Variants in FBXO25 observed in about 807,000 individuals in gnomAD.
FBXO25 encodes the protein F-box only protein 25.
FBXO25 carries 45 observed loss-of-function variants against 51.9 expected under a neutral mutation model. That is an observed-to-expected ratio of 0.87 (90% CI 0.68 to 1.11). The LOEUF (loss-of-function observed/expected upper bound fraction) is 1.11. Among genes scored for constraint, FBXO25 ranks in the 50% most tolerant of loss-of-function variants. The probability of loss-of-function intolerance (pLI) is 0.00; values close to 1 mark genes in which losing one functional copy is unlikely to be tolerated. For synonymous variants in FBXO25, 199 were observed against 151.0 expected, an observed-to-expected ratio of 1.32 and a Z score of -2.33; for missense variants, 507 against 428.5, an observed-to-expected ratio of 1.18 and a Z score of -1.62.
chr8:428,905 T>G (rs1019449525), intron 2 of FBXO25, among the ~76,000 whole-genome samples: 1 of 152,226 alleles, frequency 6.6e-6, no homozygotes. Context: ...CCATATTGTG[T>G]ATAGTGTACA....
chr8:435,599 T>C lies in FBXO25; in HGVS notation c.289-16T>C, dbSNP rs1798057748. On this transcript the variant is annotated splice_polypyrimidine_tract_variant and intron_variant, in intron 4 of 9. Transcript: ENST00000350302. ...TGGCTAATTGACTAATTTTAACTTC[T>C]GTGTTGCTTTTCCAGAGGCATGGCT... is the stretch of plus-strand genomic sequence containing the variant. 4 of 1,602,302 alleles carry C rather than the reference T, an allele frequency of 2.5e-6. No individual in the cohort carries two copies. The highest frequency in any genetic ancestry group is 1.7e-6 in the Non-Finnish European group (2 of 1,178,202).
chr8:426,314 A>G (rs1263820657), intron 2 of FBXO25, among the ~76,000 whole-genome samples: 1 of 152,106 alleles, frequency 6.6e-6, no homozygotes, highest in Non-Finnish European at 1.5e-5. Flanking sequence ...TTAGATGTTA[A>G]ATCTGTGGCT....
chr8:467,845 C>G (rs1800280254), intron 9 of FBXO25: 3 of 1,594,316 alleles, frequency 1.9e-6, no homozygotes, highest in South Asian at 2.2e-5. Context: ...CGGCTCGATT[C>G]CAGCTCTCGC....
At chr8:466,637 A>T (rs778494160) in intron 9 of FBXO25, among the ~76,000 whole-genome samples, 1 of 152,146 alleles carries the variant, frequency 6.6e-6, no homozygotes, top group Non-Finnish European at 1.5e-5. Context: ...TGCATCTGGT[A>T]TTTATCACTT....
chr8:408,365 T>A (rs1311211372), intron 1 of FBXO25, among the ~76,000 whole-genome samples: 1 of 152,108 alleles, frequency 6.6e-6, no homozygotes, highest in African/African-American at 2.4e-5. Flanking sequence ...TTTAATGGCA[T>A]CTGTTTTAAT....
At chr8:458,182 G>C (rs1407873848) in intron 7 of FBXO25, among the ~76,000 whole-genome samples, 187 bp from the exon 8 acceptor site, 1 of 152,210 alleles carries the variant, frequency 6.6e-6, no homozygotes, top group East Asian at 1.9e-4. Flanking sequence ...GCCCTCTCTT[G>C]CTCTCCTCCT....
At chr8:459,397 T>C (rs1472413000) in intron 8 of FBXO25, among the ~76,000 whole-genome samples, 1 of 152,030 alleles carries the variant, frequency 6.6e-6, no homozygotes, top group African/African-American at 2.4e-5. Context: ...GTGCTGTGTG[T>C]TTGGTGGATA....
At chr8:410,028 T>C (rs934417680) in intron 1 of FBXO25, among the ~76,000 whole-genome samples, 4 of 152,150 alleles carry the variant, frequency 2.6e-5, no homozygotes, top group African/African-American at 9.6e-5. Flanking sequence ...ATTCCCATGA[T>C]TGATATTTTT....
rs183785480 is a variant in FBXO25 at position 454,051 on chromosome 8, G to T, written c.660+2598G>T. Among the ~76,000 whole-genome samples the T allele has an allele frequency of 1.1e-3, 166 of 152,284 alleles. 2 individuals are homozygous for T. The South Asian group carries it at 0.014, about 13-fold the overall frequency. On this transcript the variant is annotated intron_variant, in intron 7 of 9. Transcript: ENST00000350302. ...AGGCAGGGGATTTGCTTGAACCCGG[G>T]AGGTGGAGGTTGCAGTGAGCCGAGA...
intron 5 of FBXO25, among the ~76,000 whole-genome samples, chr8:448,102 C>T (rs1181051960): frequency 1.3e-5 from 2 of 152,150 alleles, no homozygotes; most frequent in African/African-American, 4.8e-5. Flanking sequence ...AAGAAAATTA[C>T]AGCTGAAGAG....
chr8:474,609 T>C lies in FBXO25; in HGVS notation c.*5805T>C. 7 of 400,246 alleles carry C rather than the reference T, an allele frequency of 1.7e-5. No homozygotes were observed. Among genetic ancestry groups the C allele is most frequent in the Non-Finnish European group, 3.4e-5 (7 of 204,888 alleles). The allele number at this position is 400,246 out of a possible 1,614,324, so 24.8% of individuals were successfully genotyped here. ...AGTGGTATCCTGCTGAGATTTTGATTTGCATTTCCGTAATGACTGGTGATG... is the reference window on the plus strand; with the variant it reads ...AGTGGTATCCTGCTGAGATTTTGATCTGCATTTCCGTAATGACTGGTGATG... On this transcript the variant is annotated 3_prime_UTR_variant, in exon 10 of 10. Transcript: ENST00000350302.
chr8:408,322 C>A (rs1406655991), intron 1 of FBXO25, among the ~76,000 whole-genome samples: 3 of 123,422 alleles, frequency 2.4e-5, no homozygotes, highest in Admixed American at 7.8e-5. Flanking sequence ...CTGTAATAGA[C>A]GGTAAAAAAA....
intron 5 of FBXO25, among the ~76,000 whole-genome samples, chr8:444,944 T>C (rs1020424912): frequency 6.6e-6 from 1 of 152,240 alleles, no homozygotes; most frequent in Non-Finnish European, 1.5e-5. Context: ...ATCCCCCTTG[T>C]TAAGCGACCC....
At chr8:455,200 G>A (rs1433688034) in intron 7 of FBXO25, among the ~76,000 whole-genome samples, 2 of 152,228 alleles carry the variant, frequency 1.3e-5, no homozygotes, top group Admixed American at 6.5e-5. Flanking sequence ...CAGACTCAGG[G>A]CTTTGTGGGC....
chr8:437,060 A>G (rs1342612590), intron 5 of FBXO25, among the ~76,000 whole-genome samples: 1 of 152,000 alleles, frequency 6.6e-6, no homozygotes, highest in Admixed American at 6.5e-5. Flanking sequence ...GGACGACTGC[A>G]TAATTTTTTT....
rs1800525269 is a variant in FBXO25 at position 472,858 on chromosome 8, C to CAGA, written c.*4057_*4059dup. On this transcript the variant is annotated 3_prime_UTR_variant, in exon 10 of 10. Transcript: ENST00000350302. ...AGGGGTGCTGCCCTCTGAGAAAAGT[C>CAGA]AGAAGCAAGCCTGCCTTATGAAACT... 1 of 152,246 alleles carries CAGA rather than the reference C, an allele frequency of 6.6e-6. No individual in the cohort carries two copies. Among genetic ancestry groups the CAGA allele is most frequent in the Non-Finnish European group, 1.5e-5 (1 of 68,054 alleles). 9.4% of individuals were successfully genotyped at this position (152,246 alleles called of 1,614,324 possible).
chr8:425,591 T>G (rs1303681765), intron 2 of FBXO25, among the ~76,000 whole-genome samples: 1 of 150,122 alleles, frequency 6.7e-6, no homozygotes, highest in Non-Finnish European at 1.5e-5. Context: ...GTTATATGTT[T>G]AAATAATTTA....
At chr8:439,610 G>C (rs1364555441) in intron 5 of FBXO25, among the ~76,000 whole-genome samples, 4 of 152,168 alleles carry the variant, frequency 2.6e-5, no homozygotes, top group Admixed American at 2.6e-4. Flanking sequence ...ATTTGCTTTA[G>C]ATGTAGGCGA....
chr8:444,112 G>C (rs552883195), intron 5 of FBXO25, among the ~76,000 whole-genome samples: 242 of 152,312 alleles, frequency 1.6e-3, no homozygotes, highest in Non-Finnish European at 2.7e-3. Flanking sequence ...AAGGGCATCA[G>C]GTACTTCAGA....
Sources: allele counts gnomAD v4.1 joint callset (sites outside exome capture counted in the v4.1 genomes callset), GRCh38; gene constraint gnomAD v4.1.1; transcripts MANE v1.5; gene names NCBI Gene and HGNC (gene_info 2026-07-23, HGNC 2026-07-21).